The following SLAMF9 variants were observed in gnomAD, a reference collection of about 807,000 sequenced individuals.
SLAMF9 encodes CD2 family member 10.
A neutral mutation model predicts 30.4 loss-of-function variants in SLAMF9; 25 were observed. The ratio of observed to expected loss-of-function variants is 0.82; its 90% confidence interval spans 0.60 to 1.15. The LOEUF is 1.15. SLAMF9 is among the 50% of genes most tolerant of loss of function. SLAMF9 has a pLI of 0.00. For synonymous variants in SLAMF9, 129 were observed against 127.2 expected, an observed-to-expected ratio of 1.01 and a Z score of -0.09; for missense variants, 344 against 346.1, an observed-to-expected ratio of 0.99 and a Z score of 0.05.
chr1:159,969,600 G>A, the SLAMF9 span, among the ~76,000 whole-genome samples: 3 of 152,166 alleles, frequency 2.0e-5, no homozygotes, highest in African/African-American at 7.2e-5. Context: ...ATTGGCAGGT[G>A]TAATTCCTGG....
chr1:159,973,804 C>T, the SLAMF9 span: 1 of 1,613,766 alleles, frequency 6.2e-7, no homozygotes, highest in Non-Finnish European at 8.5e-7. Flanking sequence ...TTACCTTGGA[C>T]TTGAACCATG....
the SLAMF9 span, among the ~76,000 whole-genome samples, chr1:159,967,976 T>C: frequency 6.6e-6 from 1 of 152,218 alleles, no homozygotes; most frequent in South Asian, 2.1e-4. Context: ...TTATGGAATT[T>C]GTTTATCAGT....
the SLAMF9 span, chr1:159,974,131 C>G: frequency 8.4e-7 from 1 of 1,195,596 alleles, no homozygotes; most frequent in South Asian, 1.4e-5. Context: ...CTCCCTCTGT[C>G]CTCCAGCCTA....
chr1:159,975,149 G>A, the SLAMF9 span, among the ~76,000 whole-genome samples: 97 of 152,302 alleles, frequency 6.4e-4, no homozygotes, highest in Non-Finnish European at 1.1e-3. Context: ...AGGCAGAGAA[G>A]CAGGATTTAT....
At chr1:159,960,573 C>A in the SLAMF9 span, among the ~76,000 whole-genome samples, 1 of 151,120 alleles carries the variant, frequency 6.6e-6, no homozygotes, top group South Asian at 2.1e-4. Context: ...TCAAGCAATT[C>A]TTCCACCTCA....
chr1:159,963,974 C>T, the SLAMF9 span, among the ~76,000 whole-genome samples: 1 of 152,132 alleles, frequency 6.6e-6, no homozygotes, highest in Non-Finnish European at 1.5e-5. Context: ...GCAGAAGAAT[C>T]GCTTGAACCT....
At chr1:159,975,506 A>G in the SLAMF9 span, among the ~76,000 whole-genome samples, 1 of 152,052 alleles carries the variant, frequency 6.6e-6, no homozygotes, top group Admixed American at 6.6e-5. Flanking sequence ...ATGTGCTAAG[A>G]AGTAAGCCTG....
At chr1:159,979,430 A>G in the SLAMF9 span, among the ~76,000 whole-genome samples, 4 of 152,240 alleles carry the variant, frequency 2.6e-5, no homozygotes, top group Non-Finnish European at 5.9e-5. Context: ...AAATGTTCAG[A>G]AAAAATGTAA....
chr1:159,954,062 T>G (rs927876176), intron 1 of SLAMF9, 30 bp downstream of exon 1: 2 of 1,613,644 alleles, frequency 1.2e-6, no homozygotes, highest in Admixed American at 3.3e-5. Flanking sequence ...TAGGGGACAT[T>G]CCTGTGCACG....
At chr1:159,969,293 C>A in the SLAMF9 span, among the ~76,000 whole-genome samples, 1 of 152,016 alleles carries the variant, frequency 6.6e-6, no homozygotes, top group African/African-American at 2.4e-5. Flanking sequence ...GGGGTATAGT[C>A]CCTAACTCTT....
the SLAMF9 span, among the ~76,000 whole-genome samples, chr1:159,962,435 A>G: frequency 1.3e-5 from 2 of 152,234 alleles, 1 homozygote; most frequent in Admixed American, 1.3e-4. Context: ...ATTTGAACAT[A>G]TTTAAATGCT....
At chr1:159,977,205 G>C in the SLAMF9 span, 1 of 152,134 alleles carries the variant, frequency 6.6e-6, no homozygotes. Context: ...AGATGAGGAA[G>C]GATAAACCCT....
At chr1:159,973,861 G>T in the SLAMF9 span, 1 of 1,613,262 alleles carries the variant, frequency 6.2e-7, no homozygotes, top group South Asian at 1.1e-5. Context: ...TACATCACCT[G>T]CCCAGTGCAG....
At chr1:159,958,226 C>T (rs1182775679), upstream of SLAMF9, among the ~76,000 whole-genome samples, 1 of 152,222 alleles carries the variant, frequency 6.6e-6, no homozygotes, top group South Asian at 2.1e-4. Context: ...CTTCTTGCAG[C>T]CAAAAATGTG....
At chr1:159,968,152 G>T in the SLAMF9 span, among the ~76,000 whole-genome samples, 1 of 152,200 alleles carries the variant, frequency 6.6e-6, no homozygotes, top group South Asian at 2.1e-4. Flanking sequence ...ACGAGTAGTG[G>T]AAGTGGGCAT....
the SLAMF9 span, chr1:159,972,410 C>T: frequency 2.0e-5 from 3 of 152,680 alleles, no homozygotes; most frequent in Admixed American, 2.0e-4. Context: ...TTTCCTAACG[C>T]TTGAGATTCC....
At chr1:159,959,610 A>G in the SLAMF9 span, among the ~76,000 whole-genome samples, 1 of 151,420 alleles carries the variant, frequency 6.6e-6, no homozygotes, top group East Asian at 1.9e-4. Flanking sequence ...GTCGCCTCTG[A>G]CTCTCACTTG....
chr1:159,973,105 A>G, the SLAMF9 span: 1 of 1,518,158 alleles, frequency 6.6e-7, no homozygotes, highest in Non-Finnish European at 8.9e-7. Context: ...CCTGGGATGC[A>G]GAGTTCTGGG....
At chr1:159,967,208 G>T in the SLAMF9 span, among the ~76,000 whole-genome samples, 5 of 152,086 alleles carry the variant, frequency 3.3e-5, no homozygotes, top group African/African-American at 1.2e-4. Flanking sequence ...TGTTACACAG[G>T]TATACATGTG....
Sources: allele counts gnomAD v4.1 joint callset (sites outside exome capture counted in the v4.1 genomes callset), GRCh38; gene constraint gnomAD v4.1.1; transcripts MANE v1.5; gene names NCBI Gene and HGNC (gene_info 2026-07-23, HGNC 2026-07-21).